Variants in NCAPD3 observed in about 807,000 individuals in gnomAD.
The protein encoded by NCAPD3 is non-SMC condensin II complex subunit D3.
A neutral mutation model predicts 182.9 loss-of-function variants in NCAPD3; 105 were observed. That is an observed-to-expected ratio of 0.57 (90% CI 0.49 to 0.68). The LOEUF (loss-of-function observed/expected upper bound fraction) is 0.68, where lower values mean the gene tolerates loss of function less well. NCAPD3 is among the 30% of genes least tolerant of loss of function. The pLI, the probability that NCAPD3 is intolerant of heterozygous loss-of-function variation, is 0.00. For synonymous variants in NCAPD3, 815 were observed against 679.9 expected (o/e 1.20, Z -3.09); for missense variants, 1,944 against 1,837.0 (o/e 1.06, Z -1.07).
At chr11:134,156,129 G>T (rs151114503) in intron 32 of NCAPD3, among the ~76,000 whole-genome samples, 166 of 152,326 alleles carry the variant, frequency 1.1e-3, no homozygotes, top group African/African-American at 3.8e-3. Flanking sequence ...CTGGAGAAGG[G>T]GCACAAGAGT....
intron 1 of NCAPD3, chr11:134,222,946 G>A (rs1938289457): frequency 6.3e-6 from 1 of 158,050 alleles, no homozygotes; most frequent in East Asian, 1.9e-4. Flanking sequence ...CTCCCCATTT[G>A]ACAGATCAGA....
chr11:134,193,954 T>C, intron 15 of NCAPD3, 62 bp downstream of exon 15: 2 of 1,507,536 alleles, frequency 1.3e-6, no homozygotes, highest in Non-Finnish European at 1.8e-6. Flanking sequence ...AGGTAATTAT[T>C]GTGTGGAATT....
At position 134,157,887 on chromosome 11, in the gene NCAPD3, G is replaced by A. The variant is rs538118098; in HGVS notation, c.4174+41C>T. 4 of 1,571,662 alleles carry A rather than the reference G, an allele frequency of 2.5e-6. No individual in the cohort carries two copies. The African/African-American group carries it at 5.4e-5, about 21-fold the overall frequency. On this transcript the variant is annotated intron_variant, in intron 31 of 34. Transcript: ENST00000534548. ...AGTAGCTTGTTCTGTGTTTTCATCT[G>A]TAAATGCTCTACTGTGTCTGGCACC...
rs948086371 is a variant in NCAPD3 at position 134,174,783 on chromosome 11, T to C, written c.3101+1524A>G. Among the ~76,000 whole-genome samples the C allele has an allele frequency of 2.0e-5, 3 of 152,350 alleles. No homozygotes were observed. The South Asian group carries it at 6.2e-4, about 32-fold the overall frequency. ...TAAATGTTTGAGGTGATGGTTCTGC[T>C]AATTATCCCGATTTGATCATTGCAT... On this transcript the variant is annotated intron_variant, in intron 24 of 34. Coordinates refer to ENST00000534548, the MANE Select transcript of NCAPD3 (RefSeq NM_015261.3).
chr11:134,153,514 AGTGTT>A (rs1307339647), intron 32 of NCAPD3, 151 bp from the exon 33 acceptor site: 1 of 760,558 alleles, frequency 1.3e-6, no homozygotes, highest in Non-Finnish European at 2.3e-6. Context: ...AGGGCCTGGC[AGTGTT>A]GAGGGCCCCT....
chr11:134,185,906 CTTTT>C (rs34931150), intron 16 of NCAPD3: 6 of 138,328 alleles, frequency 4.3e-5, no homozygotes, highest in Non-Finnish European at 7.7e-5. Context: ...TAACATTGTC[CTTTT>C]TTTTTTTTTT....
rs1944384216 is a variant in NCAPD3, at chr11:134,185,460, G to A, written c.2112C>T (p.Asn704=). Residue 704 remains asparagine (N), a synonymous_variant, in exon 17 of 35, where the codon AAC becomes AAT. Coordinates refer to ENST00000534548, the MANE Select transcript of NCAPD3 (RefSeq NM_015261.3). The part of the protein sequence containing the change: ...KKEKFSPTFI[N]NVISHTGTEH... ...CCGTGCCAGTGTGAGATATTACATT[G>A]TTTATAAAAGTGGGTGAGAATTTTT... is the stretch of plus-strand genomic sequence containing the variant. 6.2e-7 allele frequency: 1 copy of A among 1,613,184 alleles called. No homozygotes were observed. Among genetic ancestry groups the A allele is most frequent in the Non-Finnish European group, 8.5e-7 (1 of 1,179,546 alleles).
At chr11:134,159,695 G>C (rs1227153602) in intron 29 of NCAPD3, among the ~76,000 whole-genome samples, 197 bp downstream of exon 29, 1 of 152,230 alleles carries the variant, frequency 6.6e-6, no homozygotes, top group African/African-American at 2.4e-5. Context: ...CGTCCTCATG[G>C]AAGGGAGGTC....
At position 134,203,645 on chromosome 11, in the gene NCAPD3, C is replaced by A; in HGVS notation, c.1468+9G>T. On this transcript the variant is annotated intron_variant, in intron 11 of 34. Transcript: ENST00000534548. ...ACCGGTTTACTGTCCCAATAGTCGC[C>A]ATACTCACTGTTAATCAGGAGCTCC... The A allele has an allele frequency of 6.2e-7, 1 of 1,609,942 alleles. No homozygotes were observed. The highest frequency in any genetic ancestry group is 1.1e-5 in the South Asian group (1 of 91,020).
chr11:134,218,360 T>G (rs1938107130), intron 2 of NCAPD3, among the ~76,000 whole-genome samples: 1 of 152,162 alleles, frequency 6.6e-6, no homozygotes, highest in Admixed American at 6.5e-5. Context: ...GCTCTCCATT[T>G]CTGTCCTGGC....
intron 1 of NCAPD3, chr11:134,222,982 A>C (rs1041983679): frequency 6.0e-6 from 1 of 165,296 alleles, no homozygotes; most frequent in African/African-American, 2.4e-5. Flanking sequence ...AAGGATAAAC[A>C]ACCTGCACGG....
chr11:134,192,641 T>C (rs1944547330), intron 16 of NCAPD3, 48 bp downstream of exon 16: 1 of 1,513,506 alleles, frequency 6.6e-7, no homozygotes, highest in Middle Eastern at 1.8e-4. Context: ...TAATACAAAG[T>C]CCTACGGCCT....
At chr11:134,182,617 C>G (rs1038236507) in intron 19 of NCAPD3, among the ~76,000 whole-genome samples, 3 of 152,186 alleles carry the variant, frequency 2.0e-5, no homozygotes, top group African/African-American at 7.2e-5. Flanking sequence ...ACTGAACTAT[C>G]AGCCAGCACA....
In NCAPD3 at chr11:134,209,356, A is replaced by T. The variant is rs1233631590; in HGVS notation, c.689T>A (p.Phe230Tyr). 6.2e-7 allele frequency: 1 copy of T among 1,614,134 alleles called. No homozygotes were observed. Among genetic ancestry groups the T allele is most frequent in the South Asian group, 1.1e-5 (1 of 91,070 alleles). Residue 230 changes from phenylalanine (F) to tyrosine (Y), a missense_variant, in exon 5 of 35, where the codon TTT becomes TAT. Phe to Tyr is a conservative substitution (Grantham distance 22). Coordinates refer to ENST00000534548, the MANE Select transcript of NCAPD3 (RefSeq NM_015261.3). ...ACATTGTGGCTTTTCTTTCAAGGAAAACTTTGGCAGAAGCCTTAAAAAATT... is the reference window on the plus strand; with the variant it reads ...ACATTGTGGCTTTTCTTTCAAGGAATACTTTGGCAGAAGCCTTAAAAAATT... Reference protein sequence around the residue: ...LKNFLRLLPKFSLKEKPQCVQ... With the variant: ...LKNFLRLLPKYSLKEKPQCVQ...
At chr11:134,164,373 G>C (rs1209475435) in intron 27 of NCAPD3, among the ~76,000 whole-genome samples, 1 of 152,256 alleles carries the variant, frequency 6.6e-6, no homozygotes, top group Non-Finnish European at 1.5e-5. Context: ...CCTGGCAGCA[G>C]GGGGACCTGA....
intron 13 of NCAPD3, among the ~76,000 whole-genome samples, chr11:134,200,354 T>C (rs1397897814): frequency 6.6e-6 from 1 of 152,176 alleles, no homozygotes; most frequent in Non-Finnish European, 1.5e-5. Context: ...ATAAGGTATA[T>C]ATATAAAAAT....
chr11:134,167,902 A>T, intron 27 of NCAPD3, 94 bp downstream of exon 27: 2 of 1,104,270 alleles, frequency 1.8e-6, no homozygotes, highest in Non-Finnish European at 1.3e-6. Context: ...CACTTGTGAG[A>T]TGAGCTTGGG....
At chr11:134,159,761 A>T in intron 29 of NCAPD3, 131 bp downstream of exon 29, 1 of 931,306 alleles carries the variant, frequency 1.1e-6, no homozygotes. Context: ...GCCAACAAGC[A>T]GCACTCTCGA....
intron 28 of NCAPD3, 125 bp downstream of exon 28, chr11:134,161,656 T>C: frequency 1.5e-6 from 1 of 679,222 alleles, no homozygotes; most frequent in Non-Finnish European, 2.6e-6. Flanking sequence ...ACCAAGGTAA[T>C]GTTGGGTTTG....
Sources: allele counts gnomAD v4.1 joint callset (sites outside exome capture counted in the v4.1 genomes callset), GRCh38; gene constraint gnomAD v4.1.1; transcripts MANE v1.5; gene names NCBI Gene and HGNC (gene_info 2026-07-23, HGNC 2026-07-21).